Variants in SEL1L3 observed in about 807,000 individuals in gnomAD.
The protein encoded by SEL1L3 is SEL1L family member 3.
A neutral mutation model predicts 142.8 loss-of-function variants in SEL1L3; 76 were observed. The observed-to-expected ratio is 0.53, with a 90% CI of 0.44 to 0.64. The LOEUF (loss-of-function observed/expected upper bound fraction) is 0.64. SEL1L3 is among the 30% of genes least tolerant of loss of function. SEL1L3 has a pLI of 0.00. For synonymous variants in SEL1L3, 504 were observed against 519.6 expected (o/e 0.97, Z 0.41); for missense variants, 1,262 against 1,381.7 (o/e 0.91, Z 1.37).
intron 15 of SEL1L3, among the ~76,000 whole-genome samples, chr4:25,781,222 C>T: frequency 6.6e-6 from 1 of 152,100 alleles, no homozygotes; most frequent in East Asian, 1.9e-4. Flanking sequence ...TGTTTATTGT[C>T]TTTTCCATCT....
chr4:25,803,183 C>T (rs899524166), intron 10 of SEL1L3, among the ~76,000 whole-genome samples: 3 of 152,194 alleles, frequency 2.0e-5, no homozygotes, highest in Admixed American at 6.5e-5. Flanking sequence ...CTGGTCTGAC[C>T]ACCTCATCTC....
chr4:25,796,806 C>T (rs773003549), intron 11 of SEL1L3, among the ~76,000 whole-genome samples: 4 of 151,098 alleles, frequency 2.6e-5, no homozygotes, highest in Non-Finnish European at 4.4e-5. Flanking sequence ...AAACAAAACA[C>T]AGTAAGGTTT....
At chr4:25,834,647 G>A (rs961040646) in intron 3 of SEL1L3, among the ~76,000 whole-genome samples, 1 of 152,150 alleles carries the variant, frequency 6.6e-6, no homozygotes, top group African/African-American at 2.4e-5. Context: ...AAGAACATAC[G>A]CTCGGTAAAG....
At chr4:25,741,167 C>T in the SEL1L3 span, among the ~76,000 whole-genome samples, 50 of 150,360 alleles carry the variant, frequency 3.3e-4, no homozygotes, top group East Asian at 5.9e-4. Flanking sequence ...TGCAGTGGTG[C>T]GATCTCGGCT....
chr4:25,858,498 C>A (rs1475509708), intron 1 of SEL1L3, among the ~76,000 whole-genome samples: 1 of 152,198 alleles, frequency 6.6e-6, no homozygotes. Flanking sequence ...TCTGTCACAG[C>A]CGCTGTCTGC....
At chr4:25,794,545 A>G (rs1286415166) in intron 11 of SEL1L3, among the ~76,000 whole-genome samples, 1 of 152,224 alleles carries the variant, frequency 6.6e-6, no homozygotes, top group Non-Finnish European at 1.5e-5. Context: ...AATGGCGATT[A>G]TTAACAAGTC....
In SEL1L3 at chr4:25,759,047, G is replaced by C; in HGVS notation, c.2977C>G (p.Leu993Val). 6.2e-7 allele frequency: 1 copy of C among 1,613,372 alleles called. No individual in the cohort carries two copies. Among genetic ancestry groups the C allele is most frequent in the Non-Finnish European group, 8.5e-7 (1 of 1,179,744 alleles). ...DSQGFFNLAL[L>V]IEEGTIIPHH... ...GGGATTATCGTACCTTCCTCGATTA[G>C]CAGGGCCAGGTTAAAAAATCCCTAA... is the stretch of plus-strand genomic sequence containing the variant. Residue 993 changes from leucine to valine, a missense_variant, in exon 21 of 24, where the codon CTA (leucine) becomes GTA (valine). Physicochemically the swap from Leu to Val is conservative, Grantham distance 32 (BLOSUM62 1). Coordinates refer to ENST00000399878, the MANE Select transcript of SEL1L3 (RefSeq NM_015187.5).
At chr4:25,754,867 T>C (rs539774313) in intron 23 of SEL1L3, among the ~76,000 whole-genome samples, 17 of 152,328 alleles carry the variant, frequency 1.1e-4, no homozygotes, top group African/African-American at 3.6e-4. Context: ...TTCCCCTTTA[T>C]ATTGCTGTTA....
intron 15 of SEL1L3, 96 bp from the exon 16 acceptor site, chr4:25,779,299 G>C: frequency 7.4e-7 from 1 of 1,355,730 alleles, no homozygotes; most frequent in Non-Finnish European, 1.0e-6. Flanking sequence ...TATGATTACA[G>C]GCTTATAACT....
chr4:25,831,648 C>A (rs1187954573), intron 5 of SEL1L3, among the ~76,000 whole-genome samples: 1 of 151,700 alleles, frequency 6.6e-6, no homozygotes, highest in Non-Finnish European at 1.5e-5. Flanking sequence ...GCCTCAGCCT[C>A]CCAAGTAGCT....
intron 9 of SEL1L3, among the ~76,000 whole-genome samples, chr4:25,817,278 C>T (rs1415578922): frequency 6.6e-6 from 1 of 152,220 alleles, no homozygotes; most frequent in Admixed American, 6.5e-5. Flanking sequence ...TCAGTTTCTG[C>T]ATCGCCTCAA....
rs532879650 is a variant in SEL1L3, at chr4:25,788,154, C to T, written c.2217+70G>A. Reference sequence around the variant, plus strand: ...GTTATCGACTCCCTGTTTGCCAGCCCGCCCACAGGAAACTGCTCAGGAGTC... The same window carrying T: ...GTTATCGACTCCCTGTTTGCCAGCCTGCCCACAGGAAACTGCTCAGGAGTC... On this transcript the variant is annotated intron_variant, in intron 13 of 23. Transcript: ENST00000399878. The surrounding 1 kb of genome is among the most constrained non-coding windows in gnomAD (Gnocchi z 5.3). The T allele has an allele frequency of 3.6e-5, 55 of 1,515,884 alleles. No individual in the cohort carries two copies. Among genetic ancestry groups the T allele is most frequent in the Admixed American group, 1.2e-4 (7 of 56,324 alleles). 93.9% of individuals were successfully genotyped at this position (1,515,884 alleles called of 1,614,324 possible). A position where few individuals can be genotyped will look rare whatever the true frequency, so the allele number is the denominator to read the frequency against.
chr4:25,851,321 A>G (rs1716877800), intron 1 of SEL1L3, among the ~76,000 whole-genome samples: 1 of 152,184 alleles, frequency 6.6e-6, no homozygotes. Flanking sequence ...CCCAGTACCC[A>G]CTGGCAGTCA....
At chr4:25,782,216 C>A in intron 15 of SEL1L3, 26 bp downstream of exon 15, 1 of 1,601,220 alleles carries the variant, frequency 6.2e-7, no homozygotes. Context: ...TGACTAGTTG[C>A]AGAGTGGGTC....
chr4:25,765,298 G>A, intron 20 of SEL1L3, 28 bp downstream of exon 20: 1 of 1,482,840 alleles, frequency 6.7e-7, no homozygotes, highest in Non-Finnish European at 9.4e-7. Context: ...CCGGCCAAGA[G>A]CTGGTTTTTG....
chr4:25,777,761 G>T (rs1269127739), intron 16 of SEL1L3: 1 of 452,600 alleles, frequency 2.2e-6, no homozygotes, highest in Non-Finnish European at 4.4e-6. Flanking sequence ...CTTCAAGTCA[G>T]TCTAAGTCAA....
At chr4:25,852,118 A>C (rs919231546) in intron 1 of SEL1L3, among the ~76,000 whole-genome samples, 3 of 152,170 alleles carry the variant, frequency 2.0e-5, no homozygotes, top group African/African-American at 2.4e-5. Flanking sequence ...AACACATATA[A>C]AAATCATCTC....
At chr4:25,805,093 C>T (rs1713463815) in intron 9 of SEL1L3, among the ~76,000 whole-genome samples, 1 of 152,218 alleles carries the variant, frequency 6.6e-6, no homozygotes, top group South Asian at 2.1e-4. Context: ...CCTTTTCCCC[C>T]TCTAAGACTC....
At chr4:25,731,722 C>T in the SEL1L3 span, among the ~76,000 whole-genome samples, 2 of 151,962 alleles carry the variant, frequency 1.3e-5, no homozygotes, top group African/African-American at 4.8e-5. Context: ...ATTTTTTTAT[C>T]CAGACTTCTT....
Sources: gnomAD v4.1 joint callset for allele counts (sites outside exome capture counted in the v4.1 genomes callset) on GRCh38, gnomAD v4.1.1 for gene constraint, Gnocchi (gnomAD v3.1) non-coding constraint, MANE v1.5 for transcripts, NCBI Gene and HGNC (gene_info 2026-07-23, HGNC 2026-07-21) for gene names.